The following GOLGA4 variants were observed in gnomAD, a reference collection of about 807,000 sequenced individuals.
The protein encoded by GOLGA4 is golgin subfamily A member 4.
GOLGA4 carries 169 observed loss-of-function variants against 265.9 expected under a neutral mutation model. The observed-to-expected ratio is 0.64, with a 90% CI of 0.56 to 0.72. The LOEUF is 0.72. GOLGA4 is among the 30% of genes least tolerant of loss of function. GOLGA4 has a pLI of 0.00. For missense variants in GOLGA4, 2,482 were observed against 2,483.4 expected (o/e 1.00, Z 0.01); for synonymous variants, 923 against 855.8 (o/e 1.08, Z -1.37).
intron 19 of GOLGA4, among the ~76,000 whole-genome samples, chr3:37,339,551 C>T (rs1203279193): frequency 1.3e-5 from 2 of 152,210 alleles, no homozygotes; most frequent in Non-Finnish European, 2.9e-5. Flanking sequence ...CATATCCTCA[C>T]CAACAAGTTT....
intron 5 of GOLGA4, among the ~76,000 whole-genome samples, chr3:37,291,884 T>C (rs554626727): frequency 4.5e-4 from 66 of 147,038 alleles, no homozygotes; most frequent in African/African-American, 1.6e-3. Context: ...AATTTGTTGG[T>C]TTTTTTTTTT....
chr3:37,265,227 G>T (rs1167658956), intron 2 of GOLGA4, among the ~76,000 whole-genome samples: 1 of 151,396 alleles, frequency 6.6e-6, no homozygotes, highest in Non-Finnish European at 1.5e-5. Context: ...ATAATTTATT[G>T]TACATCTAAT....
chr3:37,251,812 G>C (rs902036724), intron 2 of GOLGA4, among the ~76,000 whole-genome samples: 3 of 152,164 alleles, frequency 2.0e-5, no homozygotes, highest in African/African-American at 7.2e-5. Flanking sequence ...AGCCTCCTGA[G>C]TAGCTGGGAC....
intron 4 of GOLGA4, among the ~76,000 whole-genome samples, chr3:37,288,661 G>A (rs1023295129): frequency 2.0e-5 from 3 of 151,406 alleles, no homozygotes; most frequent in African/African-American, 7.3e-5. Context: ...TGTATTTTTA[G>A]TAGAGAAGGG....
rs149253591 is a variant in GOLGA4 at position 37,327,169 on chromosome 3, G to A, written c.5283G>A (p.Glu1761=). 3.5e-4 allele frequency: 568 copies of A among 1,613,822 alleles called. 3 individuals carry two copies. The African/African-American group carries it at 7.0e-3, about 20-fold the overall frequency. Residue 1761 remains glutamate, a synonymous_variant, in exon 14 of 24, where the codon GAG becomes GAA. Transcript: ENST00000361924. ...AGAGGGTAGGGCAGGAAAAAGAAGA[G>A]ACAGTTTCTTCTCATTTTGAAATGC... ...LLQRVGQEKE[E]TVSSHFEMRC... is the part of the protein sequence containing the mutation.
rs557526329 is a variant in GOLGA4, at chr3:37,249,046, G to C, written c.73-2349G>C. Among the ~76,000 whole-genome samples, 5 of 152,270 alleles carry C rather than the reference G, an allele frequency of 3.3e-5. No individual in the cohort carries two copies. The South Asian group carries it at 1.0e-3, about 32-fold the overall frequency. ...GACCATTTTATTAAAGGAGTTCTTA[G>C]ATATAATCATTTATAAATACATAGA... On this transcript the variant is annotated intron_variant, in intron 1 of 23. Transcript: ENST00000361924.
In GOLGA4 at chr3:37,248,874, C is replaced by T. The variant is rs149790946; in HGVS notation, c.73-2521C>T. Among the ~76,000 whole-genome samples, 41 of 152,250 alleles carry T rather than the reference C, an allele frequency of 2.7e-4. No homozygotes were observed. In the East Asian group the frequency reaches 7.9e-3, roughly 29 times the overall value. On this transcript the variant is annotated intron_variant, in intron 1 of 23. Coordinates refer to ENST00000361924, the MANE Select transcript of GOLGA4 (RefSeq NM_002078.5). ...GTTGGAAGGTCACTGTCTAAGGTAG[C>T]CCTTTCCTGGCATCTGGATATTTGG...
At chr3:37,365,344 C>T (rs1371661093) in intron 23 of GOLGA4, among the ~76,000 whole-genome samples, 1 of 152,170 alleles carries the variant, frequency 6.6e-6, no homozygotes, top group Admixed American at 6.5e-5. Flanking sequence ...TCTCGGCTTA[C>T]TGCAACCTCC....
intron 19 of GOLGA4, among the ~76,000 whole-genome samples, chr3:37,338,678 C>A (rs1280481305): frequency 6.6e-6 from 1 of 152,068 alleles, no homozygotes; most frequent in Non-Finnish European, 1.5e-5. Context: ...ATCACTGTTA[C>A]CCAGTTCCAG....
chr3:37,251,601 G>C (rs1182899060), intron 2 of GOLGA4, 117 bp downstream of exon 2: 1 of 498,356 alleles, frequency 2.0e-6, no homozygotes. Flanking sequence ...CCTAGGTAGA[G>C]TTTTTATTAG....
rs544367591 is a variant in GOLGA4, at chr3:37,356,642, A to G, written c.6663+1455A>G. Among the ~76,000 whole-genome samples, 70 of 152,324 alleles carry G rather than the reference A, an allele frequency of 4.6e-4. 2 individuals carry two copies. The South Asian group carries it at 0.014, about 30-fold the overall frequency. On this transcript the variant is annotated intron_variant, in intron 22 of 23. Transcript: ENST00000361924. ...ATAATGAACATCTAATTCTACAAGC[A>G]TGAAATTTTGTATTCATGAGTAGAA...
chr3:37,296,325 C>G, intron 7 of GOLGA4, 106 bp downstream of exon 7: 1 of 1,097,694 alleles, frequency 9.1e-7, no homozygotes, highest in Admixed American at 2.5e-5. Context: ...GTGGGAGGAT[C>G]GCTTGAGTTC....
chr3:37,314,069 A>G (rs564844056), intron 10 of GOLGA4, among the ~76,000 whole-genome samples: 2 of 152,018 alleles, frequency 1.3e-5, no homozygotes, highest in East Asian at 1.9e-4. Context: ...CCCAGACTCA[A>G]GTGATTCTAC....
intron 10 of GOLGA4, 66 bp from the exon 11 acceptor site, chr3:37,315,354 T>C (rs1466521613): frequency 2.2e-6 from 3 of 1,369,678 alleles, no homozygotes; most frequent in Non-Finnish European, 3.0e-6. Context: ...AAAAATTGAA[T>C]GTAAAACACT....
chr3:37,275,076 C>T (rs1210331492), intron 2 of GOLGA4, among the ~76,000 whole-genome samples: 2 of 151,234 alleles, frequency 1.3e-5, no homozygotes, highest in Admixed American at 6.6e-5. Context: ...ATTAGCTGGG[C>T]GTGGTGGCGG....
intron 13 of GOLGA4, 32 bp from the exon 14 acceptor site, chr3:37,323,556 T>G (rs766670262): frequency 7.2e-7 from 1 of 1,388,214 alleles, no homozygotes; most frequent in African/African-American, 1.4e-5. Context: ...AGTACGTACT[T>G]TAATAAAAAT....
Position 37,324,499 on chromosome 3 carries a change from A to G in GOLGA4, c.2613A>G (p.Glu871=). ...TGCAGGACTTAATGCAGCAACTTGA[A>G]AAACAAAATAGTGAAATGGAGCAAA... is the stretch of plus-strand genomic sequence containing the variant. ...IQVQDLMQQL[E]KQNSEMEQKV... Residue 871 remains glutamate, a synonymous_variant, in exon 14 of 24, where the codon GAA becomes GAG. Coordinates refer to ENST00000361924, the MANE Select transcript of GOLGA4 (RefSeq NM_002078.5). 1 of 1,614,064 alleles carries G rather than the reference A, an allele frequency of 6.2e-7. No homozygotes were observed.
At chr3:37,319,454 G>C (rs2096948596) in intron 12 of GOLGA4, 1 of 197,606 alleles carries the variant, frequency 5.1e-6, no homozygotes, top group Non-Finnish European at 1.0e-5. Flanking sequence ...GAGTGCAGTG[G>C]TGAGATCTTG....
At chr3:37,327,867 C>G (rs1242968806) in intron 14 of GOLGA4, 42 bp downstream of exon 14, 13 of 1,469,086 alleles carry the variant, frequency 8.8e-6, no homozygotes, top group African/African-American at 1.4e-5. Flanking sequence ...GGCAGTCCTT[C>G]TTAATTAAGT....
Sources: allele counts gnomAD v4.1 joint callset (sites outside exome capture counted in the v4.1 genomes callset), GRCh38; gene constraint gnomAD v4.1.1; transcripts MANE v1.5; gene names NCBI Gene and HGNC (gene_info 2026-07-23, HGNC 2026-07-21).